Variants in PON3 observed in about 807,000 individuals in gnomAD.
The protein encoded by PON3 is serum paraoxonase/lactonase 3.
Under a neutral mutation model 36.3 loss-of-function variants are expected in PON3, and 37 were observed. That is an observed-to-expected ratio of 1.02 (90% CI 0.78 to 1.34). The LOEUF (loss-of-function observed/expected upper bound fraction) is 1.34. Among genes scored for constraint, PON3 ranks in the 40% most tolerant of loss-of-function variants. The pLI, the probability that PON3 is intolerant of heterozygous loss-of-function variation, is 0.00. For synonymous variants in PON3, 155 were observed against 154.8 expected (o/e 1.00, Z -0.01); for missense variants, 415 against 426.5 (o/e 0.97, Z 0.24).
At chr7:95,363,475 C>A (rs1336184344) in intron 6 of PON3, 2 of 256,730 alleles carry the variant, frequency 7.8e-6, no homozygotes, top group Non-Finnish European at 1.5e-5. Flanking sequence ...TCTAAGGTAG[C>A]CTTCCCTCTC....
At chr7:95,370,223 T>C (rs956308926) in intron 4 of PON3, among the ~76,000 whole-genome samples, 1 of 152,068 alleles carries the variant, frequency 6.6e-6, no homozygotes, top group Non-Finnish European at 1.5e-5. Flanking sequence ...AAGAAATCCT[T>C]ACTATGACAA....
At chr7:95,368,814 C>A (rs79443507) in intron 4 of PON3, among the ~76,000 whole-genome samples, 106 of 132,980 alleles carry the variant, frequency 8.0e-4, no homozygotes, top group Non-Finnish European at 1.0e-3. Context: ...CAAAAACAAA[C>A]AAAAAAAAAA....
intron 2 of PON3, among the ~76,000 whole-genome samples, chr7:95,394,375 A>G (rs1009812829): frequency 3.9e-5 from 6 of 152,204 alleles, no homozygotes; most frequent in Admixed American, 2.0e-4. Context: ...AAGGAGAAGC[A>G]TTCAGTGAGG....
chr7:95,378,938 G>C (rs1271595698), intron 3 of PON3, among the ~76,000 whole-genome samples: 1 of 152,084 alleles, frequency 6.6e-6, no homozygotes, highest in African/African-American at 2.4e-5. Context: ...TAAATGCCCC[G>C]ATTAAAAGAC....
At chr7:95,383,089 T>C (rs1490433036) in intron 3 of PON3, among the ~76,000 whole-genome samples, 1 of 151,954 alleles carries the variant, frequency 6.6e-6, no homozygotes, top group Admixed American at 6.6e-5. Flanking sequence ...TAAACAGAAC[T>C]GAAGATAAAA....
intron 4 of PON3, among the ~76,000 whole-genome samples, chr7:95,371,916 A>G (rs536394412): frequency 6.6e-6 from 1 of 152,306 alleles, no homozygotes; most frequent in East Asian, 1.9e-4. Flanking sequence ...AACAGTATTC[A>G]AACAGGTTGT....
chr7:95,385,016 T>C (rs1250005697), intron 3 of PON3, among the ~76,000 whole-genome samples: 3 of 152,296 alleles, frequency 2.0e-5, no homozygotes, highest in East Asian at 3.9e-4. Flanking sequence ...TGGAATACTA[T>C]GCAGACATAA....
chr7:95,371,033 A>G (rs1318701082), intron 4 of PON3, among the ~76,000 whole-genome samples: 1 of 152,220 alleles, frequency 6.6e-6, no homozygotes, highest in Non-Finnish European at 1.5e-5. Context: ...CTTCATATAA[A>G]TGGAATCACA....
intron 3 of PON3, among the ~76,000 whole-genome samples, chr7:95,384,581 C>T (rs1809144341): frequency 6.6e-6 from 1 of 152,134 alleles, no homozygotes; most frequent in Admixed American, 6.5e-5. Flanking sequence ...TTTATGCAGC[C>T]AACAGACCCA....
intron 3 of PON3, among the ~76,000 whole-genome samples, chr7:95,373,624 G>A (rs1007367100): frequency 1.3e-5 from 2 of 152,052 alleles, no homozygotes; most frequent in Admixed American, 6.5e-5. Flanking sequence ...CATTCTGTGC[G>A]AACTCCCTTT....
rs1809431966 is a variant in PON3 at position 95,396,299 on chromosome 7, C to T, written c.52G>A (p.Gly18Arg). The T allele has an allele frequency of 3.7e-6, 6 of 1,613,986 alleles. No individual in the cohort carries two copies. The highest frequency in any genetic ancestry group is 1.6e-4 in the Middle Eastern group (1 of 6,062). ...CACCTAAACGCCAGGAACATCTCCC[C>T]GACTAAGGACAGGCCGACCCCCAGC... ...VLLGVGLSLVGEMFLAFRERV... is the reference protein window; with the variant it reads ...VLLGVGLSLVREMFLAFRERV... Residue 18 changes from glycine to arginine, a missense_variant, in exon 1 of 9, where the codon GGG (glycine) becomes AGG (arginine). Coordinates refer to ENST00000265627, the MANE Select transcript of PON3 (RefSeq NM_000940.3).
chr7:95,394,148 T>C (rs1347277569), intron 2 of PON3, among the ~76,000 whole-genome samples: 1 of 152,050 alleles, frequency 6.6e-6, no homozygotes, highest in Admixed American at 6.5e-5. Context: ...TCCGCCCCCC[T>C]CGGCCTCCCA....
At chr7:95,379,358 A>C (rs1243459220) in intron 3 of PON3, among the ~76,000 whole-genome samples, 1 of 152,210 alleles carries the variant, frequency 6.6e-6, no homozygotes, top group African/African-American at 2.4e-5. Context: ...CAGTGGGTGC[A>C]GGACAGTGGG....
At chr7:95,382,307 G>A (rs552795774) in intron 3 of PON3, among the ~76,000 whole-genome samples, 1 of 152,190 alleles carries the variant, frequency 6.6e-6, no homozygotes, top group African/African-American at 2.4e-5. Flanking sequence ...AGAATCCAGA[G>A]CAAACACATT....
intron 1 of PON3, among the ~76,000 whole-genome samples, chr7:95,395,158 A>G (rs1585737361): frequency 6.6e-6 from 1 of 152,174 alleles, no homozygotes; most frequent in East Asian, 1.9e-4. Flanking sequence ...GTCTCCTAAT[A>G]GTCAAACTCT....
chr7:95,363,474 G>A (rs1808622599), intron 6 of PON3: 1 of 259,560 alleles, frequency 3.9e-6, no homozygotes, highest in South Asian at 5.1e-5. Flanking sequence ...ATCTAAGGTA[G>A]CCTTCCCTCT....
At chr7:95,395,838 T>C (rs1028138941) in intron 1 of PON3, 18 of 253,336 alleles carry the variant, frequency 7.1e-5, no homozygotes, top group Middle Eastern at 3.2e-3. Context: ...CATAACCCAG[T>C]ACTTCTGCAT....
intron 3 of PON3, among the ~76,000 whole-genome samples, chr7:95,379,803 C>T (rs1809004826): frequency 6.6e-6 from 1 of 152,190 alleles, no homozygotes; most frequent in South Asian, 2.1e-4. Context: ...CAAAAGGCAG[C>T]AGAAACCTCT....
intron 7 of PON3, 92 bp downstream of exon 7, chr7:95,362,668 C>T: frequency 7.2e-7 from 1 of 1,384,604 alleles, no homozygotes; most frequent in African/African-American, 1.4e-5. Flanking sequence ...CTCAAATAGC[C>T]ATGTTTTCCT....
Sources: gnomAD v4.1 joint callset for allele counts (sites outside exome capture counted in the v4.1 genomes callset) on GRCh38, gnomAD v4.1.1 for gene constraint, MANE v1.5 for transcripts, NCBI Gene and HGNC (gene_info 2026-07-23, HGNC 2026-07-21) for gene names.